The following SORCS3 variants were observed in gnomAD, a reference collection of about 807,000 sequenced individuals.
SORCS3 encodes VPS10 domain-containing receptor SorCS3.
Under a neutral mutation model 146.3 loss-of-function variants are expected in SORCS3, and 57 were observed. The observed-to-expected ratio is 0.39, with a 90% confidence interval of 0.31 to 0.49. The LOEUF (loss-of-function observed/expected upper bound fraction) is 0.49, where lower values mean the gene tolerates loss of function less well. Among genes scored for constraint, SORCS3 ranks in the 20% least tolerant of loss-of-function variants. The probability of loss-of-function intolerance (pLI) is 0.92; values close to 1 mark genes in which losing one functional copy is unlikely to be tolerated. For synonymous variants in SORCS3, 653 were observed against 618.5 expected (o/e 1.06, Z -0.83); for missense variants, 1,341 against 1,575.5 (o/e 0.85, Z 2.52).
At chr10:105,257,981 A>G (rs1439716725) in intron 25 of SORCS3, among the ~76,000 whole-genome samples, 2 of 152,138 alleles carry the variant, frequency 1.3e-5, no homozygotes, top group African/African-American at 2.4e-5. Context: ...TTAGTCCTGG[A>G]GTCTTTCCAG....
intron 1 of SORCS3, among the ~76,000 whole-genome samples, chr10:104,813,901 G>A (rs1211581865): frequency 1.3e-5 from 2 of 149,464 alleles, no homozygotes; most frequent in African/African-American, 2.5e-5. Context: ...CACTGATGAA[G>A]TATATTTAAG....
At chr10:105,000,955 G>A (rs2055057359) in intron 4 of SORCS3, among the ~76,000 whole-genome samples, 1 of 152,070 alleles carries the variant, frequency 6.6e-6, no homozygotes. Flanking sequence ...TATTTTTGAG[G>A]TCTTAGTTTG....
At chr10:104,966,926 C>T (rs956537489) in intron 3 of SORCS3, among the ~76,000 whole-genome samples, 3 of 151,548 alleles carry the variant, frequency 2.0e-5, no homozygotes, top group African/African-American at 7.3e-5. Flanking sequence ...ATTCAACATT[C>T]TCAGGAATTT....
At chr10:105,007,639 T>C (rs1014244336) in intron 4 of SORCS3, among the ~76,000 whole-genome samples, 5 of 152,070 alleles carry the variant, frequency 3.3e-5, no homozygotes, top group African/African-American at 7.2e-5. Flanking sequence ...GACCGTTTTT[T>C]CTGAACCCCC....
intron 1 of SORCS3, among the ~76,000 whole-genome samples, chr10:104,706,192 T>TTTC (rs1038446284): frequency 1.2e-3 from 169 of 146,278 alleles, no homozygotes; most frequent in Middle Eastern, 3.5e-3. Context: ...GTTTGTTTCT[T>TTTC]TTCTTCTTCT....
At chr10:104,756,329 T>G (rs1302687651) in intron 1 of SORCS3, among the ~76,000 whole-genome samples, 1 of 152,216 alleles carries the variant, frequency 6.6e-6, no homozygotes, top group Non-Finnish European at 1.5e-5. Context: ...TACAGCATAC[T>G]GGACTGATGA....
At chr10:105,191,018 G>T (rs768118226) in intron 14 of SORCS3, among the ~76,000 whole-genome samples, 2 of 152,194 alleles carry the variant, frequency 1.3e-5, no homozygotes, top group Non-Finnish European at 2.9e-5. Context: ...TGTAGTTCCA[G>T]GATTGGGGCT....
chr10:104,760,729 C>T (rs2017110549), intron 1 of SORCS3, among the ~76,000 whole-genome samples: 1 of 152,102 alleles, frequency 6.6e-6, no homozygotes, highest in South Asian at 2.1e-4. Flanking sequence ...TGACGACAGA[C>T]AGACTGTAGA....
chr10:104,847,270 A>G (rs983991832), intron 2 of SORCS3, among the ~76,000 whole-genome samples: 5 of 152,350 alleles, frequency 3.3e-5, no homozygotes, highest in African/African-American at 7.2e-5. Flanking sequence ...GCTCGAGGTT[A>G]TTAAATCTTT....
chr10:105,162,153 CTTTTA>C (rs1312753332), intron 11 of SORCS3, among the ~76,000 whole-genome samples: 3 of 152,144 alleles, frequency 2.0e-5, no homozygotes, highest in African/African-American at 4.8e-5. Context: ...TATTCTCTCC[CTTTTA>C]TTTTATTTTT....
chr10:104,663,964 C>T (rs1359989599), intron 1 of SORCS3, among the ~76,000 whole-genome samples: 4 of 152,136 alleles, frequency 2.6e-5, no homozygotes, highest in African/African-American at 4.8e-5. Flanking sequence ...AACTTTTATG[C>T]CAAGCATTTG....
intron 8 of SORCS3, among the ~76,000 whole-genome samples, chr10:105,141,038 T>G (rs1373508671): frequency 2.0e-5 from 3 of 152,208 alleles, no homozygotes; most frequent in African/African-American, 7.2e-5. Flanking sequence ...GAAATGAGTT[T>G]AGGGAACTTT....
At chr10:104,881,827 G>T (rs2018632852) in intron 2 of SORCS3, among the ~76,000 whole-genome samples, 3 of 152,190 alleles carry the variant, frequency 2.0e-5, no homozygotes, top group African/African-American at 4.8e-5. Flanking sequence ...CTGGCCATGT[G>T]ACCTTGGAGA....
chr10:105,151,875 A>G (rs983956398), intron 9 of SORCS3, among the ~76,000 whole-genome samples: 2 of 152,118 alleles, frequency 1.3e-5, no homozygotes, highest in South Asian at 4.1e-4. Context: ...GGAGAAAATA[A>G]CACTTGAAGG....
chr10:104,843,533 C>T (rs564740058), intron 2 of SORCS3, among the ~76,000 whole-genome samples: 7 of 152,228 alleles, frequency 4.6e-5, no homozygotes, highest in Non-Finnish European at 1.0e-4. Flanking sequence ...CTATTGTGAG[C>T]CTAGCTGCTG....
At chr10:104,933,856 G>A (rs1256669633) in intron 3 of SORCS3, among the ~76,000 whole-genome samples, 1 of 152,086 alleles carries the variant, frequency 6.6e-6, no homozygotes, top group East Asian at 1.9e-4. Context: ...GTGCAATGGT[G>A]CAATCTTGGC....
intron 2 of SORCS3, among the ~76,000 whole-genome samples, chr10:104,859,820 G>C (rs1023954118): frequency 9.9e-5 from 15 of 151,312 alleles, no homozygotes; most frequent in Admixed American, 6.6e-5. Context: ...ATGAAAAAAT[G>C]CTCATCATCA....
chr10:104,889,458 T>G (rs1033705080), intron 2 of SORCS3, among the ~76,000 whole-genome samples: 5 of 150,888 alleles, frequency 3.3e-5, no homozygotes, highest in African/African-American at 1.2e-4. Flanking sequence ...GATGGTATTT[T>G]TTTTTTTTTT....
At chr10:104,723,369 T>C (rs950311849) in intron 1 of SORCS3, among the ~76,000 whole-genome samples, 1 of 152,250 alleles carries the variant, frequency 6.6e-6, no homozygotes, top group African/African-American at 2.4e-5. Flanking sequence ...TCTGTTCTTT[T>C]ACATTTGCTG....
Sources: allele counts gnomAD v4.1 joint callset (sites outside exome capture counted in the v4.1 genomes callset), GRCh38; gene constraint gnomAD v4.1.1; transcripts MANE v1.5; gene names NCBI Gene and HGNC (gene_info 2026-07-23, HGNC 2026-07-21).